Variants in NCL observed in about 807,000 individuals in gnomAD.
The protein encoded by NCL is nucleolin multifunctional protein.
Under a neutral mutation model 77.7 loss-of-function variants are expected in NCL, and 4 were observed. The ratio of observed to expected loss-of-function variants is 0.05; its 90% CI spans 0.03 to 0.12. NCL has a LOEUF of 0.12. Among genes scored for constraint, NCL ranks in the 10% least tolerant of loss-of-function variants. The pLI is 1.00. For synonymous variants in NCL, 344 were observed against 297.8 expected (o/e 1.16, Z -1.60); for missense variants, 763 against 860.9 (o/e 0.89, Z 1.42).
At chr2:231,460,956 C>T (rs539689148) in intron 3 of NCL, 90 bp from the exon 4 acceptor site, 1 of 1,080,588 alleles carries the variant, frequency 9.3e-7, no homozygotes, top group African/African-American at 1.6e-5. Flanking sequence ...AATCCTGTCA[C>T]CATGTTTAGT....
rs749115515 is a variant in NCL, at chr2:231,458,337, C to T, written c.1218G>A (p.Gln406=). 7 of 1,613,912 alleles carry T rather than the reference C, an allele frequency of 4.3e-6. No homozygotes were observed. Among genetic ancestry groups the T allele is most frequent in the East Asian group, 4.5e-5 (2 of 44,890 alleles). Residue 406 remains glutamine, a synonymous_variant, in exon 8 of 14, where the codon CAG becomes CAA. Coordinates refer to ENST00000322723, the MANE Select transcript of NCL (RefSeq NM_005381.3). ...CTTCAAACACTTCTTTCAATTCATC[C>T]TGAGTGACTTTGTAAGGGAGATTTT... ...LAKNLPYKVT[Q]DELKEVFEDA...
intron 1 of NCL, 28 bp downstream of exon 1, chr2:231,464,308 G>A (rs931830875): frequency 3.8e-6 from 6 of 1,581,038 alleles, no homozygotes; most frequent in African/African-American, 1.4e-5. Flanking sequence ...AGGCCTACAC[G>A]TCTGCGCTCG....
chr2:231,459,837 G>C (rs188021079), intron 6 of NCL, among the ~76,000 whole-genome samples: 1 of 151,808 alleles, frequency 6.6e-6, no homozygotes, highest in East Asian at 2.0e-4. Context: ...AACCCGGGAG[G>C]CAGAGGTTGC....
intron 11 of NCL, 150 bp from the exon 12 acceptor site, chr2:231,456,286 T>G: frequency 1.9e-6 from 2 of 1,026,392 alleles, no homozygotes; most frequent in South Asian, 3.1e-5. Flanking sequence ...TTAATTAAAG[T>G]AAAGGCTATT....
Position 231,464,330 on chromosome 2 carries a change from G to GT in NCL, c.18+5dup. ...CACGTCTGCGCTCGCGCTCAAGGCC[G>GT]TTTACCTTCGCGAGCTTCACCATGA... On this transcript the variant is annotated splice_donor_region_variant and intron_variant, in intron 1 of 13. Transcript: ENST00000322723. The GT allele has an allele frequency of 5.6e-6, 9 of 1,594,238 alleles. No homozygotes were observed. The highest frequency in any genetic ancestry group is 7.7e-6 in the Non-Finnish European group (9 of 1,170,178).
At chr2:231,455,899 C>T in intron 12 of NCL, 111 bp downstream of exon 12, 2 of 1,530,472 alleles carry the variant, frequency 1.3e-6, no homozygotes, top group Non-Finnish European at 1.8e-6. Context: ...AATCCATAAA[C>T]TGCCACTGAT....
In NCL at chr2:231,458,392, A is replaced by G. The variant is rs192581516; in HGVS notation, c.1166-3T>C. ...CAAAAGTGTTCTCGCATCTCGCTCT[A>G]GATTAAAAAAACAAAAATGAGCTCT... On this transcript the variant is annotated splice_polypyrimidine_tract_variant and splice_region_variant and intron_variant, in intron 7 of 13. Transcript: ENST00000322723. 2,354 of 1,610,832 alleles carry G rather than the reference A, an allele frequency of 1.5e-3. 9 individuals are homozygous for G. Among genetic ancestry groups the G allele is most frequent in the Non-Finnish European group, 1.5e-3 (1,775 of 1,179,234 alleles).
At chr2:231,463,609 T>C (rs1183048176) in intron 1 of NCL, 5 of 389,026 alleles carry the variant, frequency 1.3e-5, no homozygotes, top group Middle Eastern at 6.9e-4. Flanking sequence ...AACCGTGTTT[T>C]AATACTACAA....
In NCL at chr2:231,455,628, G is replaced by C. The variant is rs200659063; in HGVS notation, c.1833-4C>G. ...GTTGAAGTCTACAAAACCAAACCTA[G>C]AACACCAAATGAAATTGCCCATTAT... On this transcript the variant is annotated splice_region_variant and splice_polypyrimidine_tract_variant and intron_variant, in intron 12 of 13. Coordinates refer to ENST00000322723, the MANE Select transcript of NCL (RefSeq NM_005381.3). The C allele has an allele frequency of 3.4e-5, 55 of 1,613,716 alleles. No individual in the cohort carries two copies. The Middle Eastern group carries it at 8.2e-4, about 24-fold the overall frequency.
chr2:231,461,343 A>G (rs975045378), intron 3 of NCL, among the ~76,000 whole-genome samples, 197 bp downstream of exon 3: 1 of 152,182 alleles, frequency 6.6e-6, no homozygotes, highest in Non-Finnish European at 1.5e-5. Context: ...ACACTAATAG[A>G]ATGTGCTATT....
rs1405576649 is a variant in NCL, at chr2:231,455,337, C to A, written c.2056+64G>T. 1.9e-6 allele frequency: 3 copies of A among 1,613,286 alleles called. No homozygotes were observed. In the African/African-American group the frequency reaches 4.0e-5, roughly 22 times the overall value. ...CTCCTCCTCCCCAGTGATTAGGAAC[C>A]GTGACAGGGCACAGGGTCTGAAGAG... On this transcript the variant is annotated intron_variant, in intron 13 of 13. Transcript: ENST00000322723.
chr2:231,464,328 C>T lies in NCL; in HGVS notation c.18+8G>A. On this transcript the variant is annotated splice_region_variant and intron_variant, in intron 1 of 13. Transcript: ENST00000322723. The stretch of plus-strand genomic sequence containing the variant: ...TACACGTCTGCGCTCGCGCTCAAGG[C>T]CGTTTACCTTCGCGAGCTTCACCAT... 6.3e-7 allele frequency: 1 copy of T among 1,593,386 alleles called. No individual in the cohort carries two copies. Among genetic ancestry groups the T allele is most frequent in the Non-Finnish European group, 8.5e-7 (1 of 1,169,812 alleles).
In NCL at chr2:231,457,112, GTTT is replaced by G; in HGVS notation, c.1457_1459del (p.Lys486del). 6.2e-7 allele frequency: 1 copy of G among 1,613,688 alleles called. No homozygotes were observed. Among genetic ancestry groups the G allele is most frequent in the African/African-American group, 1.3e-5 (1 of 74,976 alleles). ...GTAGGAGAGGTTGCTTAAAACCAGA[GTTT>G]TTGATTCACCTGCAAATAGAGATGC... On this transcript the variant is annotated inframe_deletion, in exon 10 of 14. Transcript: ENST00000322723.
chr2:231,455,431 ATCC>A lies in NCL; in HGVS notation c.2023_2025del (p.Gly675del). 4.3e-6 allele frequency: 7 copies of A among 1,613,256 alleles called. No homozygotes were observed. Among genetic ancestry groups the A allele is most frequent in the Non-Finnish European group, 5.9e-6 (7 of 1,179,788 alleles). ...AAGCCTCCCCGGCCTCTGCCACCAA[ATCC>A]TCCTCGGCCTCCTCTACCACCACCT... On this transcript the variant is annotated inframe_deletion, in exon 13 of 14. Coordinates refer to ENST00000322723, the MANE Select transcript of NCL (RefSeq NM_005381.3).
rs748354762 is a variant in NCL at position 231,461,687 on chromosome 2, CCTCCTCACT to C, written c.457_465del (p.Ser153_Glu155del). ...TCCTCGTCCTCGTCATCCTCCTCAT[CCTCCTCACT>C]GTCATCATCCTCCTCTTCATCACTG... On this transcript the variant is annotated inframe_deletion, in exon 3 of 14. Transcript: ENST00000322723. 13 of 1,613,252 alleles carry C rather than the reference CCTCCTCACT, an allele frequency of 8.1e-6. No homozygotes were observed. Among genetic ancestry groups the C allele is most frequent in the African/African-American group, 2.7e-5 (2 of 74,908 alleles).
intron 1 of NCL, 116 bp from the exon 2 acceptor site, chr2:231,463,432 G>GC: frequency 1.3e-6 from 1 of 757,706 alleles, no homozygotes; most frequent in Non-Finnish European, 2.3e-6. Context: ...TTCTCATAGT[G>GC]CCAAACACCA....
rs1441284786 is a variant in NCL, at chr2:231,459,091, C to T, written c.1075G>A (p.Asp359Asn). ...GTGAGTTCCAACGCTTTCTCCAGGT[C>T]TTCAGCAGATTCAAAATCCACATAA... ...FGYVDFESAEDLEKALELTGL... is the reference protein window; with the variant it reads ...FGYVDFESAENLEKALELTGL... Residue 359 changes from aspartate to asparagine, a missense_variant, in exon 7 of 14, where the codon GAC (aspartate) becomes AAC (asparagine). Asp to Asn is a conservative substitution (Grantham distance 23). Around this residue, in one of 2 missense-constraint regions of NCL, gnomAD observed 590 missense variants for 570.5 expected, o/e 1.03. Coordinates refer to ENST00000322723, the MANE Select transcript of NCL (RefSeq NM_005381.3). The T allele has an allele frequency of 2.6e-5, 41 of 1,592,788 alleles. No individual in the cohort carries two copies. The highest frequency in any genetic ancestry group is 3.4e-5 in the Non-Finnish European group (40 of 1,173,368).
intron 1 of NCL, chr2:231,464,052 G>A (rs1330720276): frequency 8.2e-7 from 1 of 1,221,464 alleles, no homozygotes; most frequent in Non-Finnish European, 1.0e-6. Flanking sequence ...CGTCGCAAAA[G>A]TTTGGTCTCA....
intron 2 of NCL, 143 bp from the exon 3 acceptor site, chr2:231,462,160 G>T: frequency 1.8e-6 from 2 of 1,120,738 alleles, no homozygotes; most frequent in Admixed American, 1.7e-5. Flanking sequence ...TAAACTCCAG[G>T]CTTCTGTTAT....
Sources: allele counts gnomAD v4.1 joint callset (sites outside exome capture counted in the v4.1 genomes callset), GRCh38; gene constraint gnomAD v4.1.1; regional missense constraint gnomAD v4.1.1; transcripts MANE v1.5; gene names NCBI Gene and HGNC (gene_info 2026-07-23, HGNC 2026-07-21).